MBTD1: variants seen among roughly 807,000 people sequenced by gnomAD.
MBTD1 encodes mbt domain containing 1, also known as MBT domain-containing protein 1.
MBTD1 carries 24 observed loss-of-function variants against 87.8 expected under a neutral mutation model. That is an observed-to-expected ratio of 0.27 (90% confidence interval 0.20 to 0.38). The LOEUF is 0.38. Ranked by LOEUF, MBTD1 falls within the 10% of genes least tolerant of loss-of-function variation. The probability of loss-of-function intolerance (pLI) is 1.00; values close to 1 mark genes in which losing one functional copy is unlikely to be tolerated. For synonymous variants in MBTD1, 237 were observed against 248.6 expected, an observed-to-expected ratio of 0.95 and a Z score of 0.44; for missense variants, 436 against 760.2, an observed-to-expected ratio of 0.57 and a Z score of 5.02.
At chr17:51,215,733 TC>T (rs1169005037) in intron 6 of MBTD1, among the ~76,000 whole-genome samples, 1 of 152,128 alleles carries the variant, frequency 6.6e-6, no homozygotes, top group Admixed American at 6.6e-5. Context: ...GAAATAAGAT[TC>T]CATTTAAGGC....
At chr17:51,233,409 C>A (rs562038227) in intron 2 of MBTD1, among the ~76,000 whole-genome samples, 2 of 152,186 alleles carry the variant, frequency 1.3e-5, no homozygotes, top group East Asian at 3.9e-4. Flanking sequence ...ATTACGAATT[C>A]TTCAGAGATG....
chr17:51,239,468 A>G (rs1568225814), intron 2 of MBTD1, among the ~76,000 whole-genome samples: 1 of 152,126 alleles, frequency 6.6e-6, no homozygotes, highest in Non-Finnish European at 1.5e-5. Context: ...AATGATTAAC[A>G]TTTTCTCCCA....
At chr17:51,205,704 C>T (rs1485697126) in intron 7 of MBTD1, among the ~76,000 whole-genome samples, 1 of 152,158 alleles carries the variant, frequency 6.6e-6, no homozygotes, top group Non-Finnish European at 1.5e-5. Flanking sequence ...AACTACAATA[C>T]ATCTGGCATG....
Position 51,201,720 on chromosome 17 carries a change from T to C in MBTD1, c.1120-24A>G, listed in dbSNP as rs1218875960. ...ACCTAAAGAATTATATGAAAGCACA[T>C]CTACTGTTACAAATGTTGTTATTTT... is the stretch of plus-strand genomic sequence containing the variant. On this transcript the variant is annotated intron_variant, in intron 11 of 16. Coordinates refer to ENST00000586178, the MANE Select transcript of MBTD1 (RefSeq NM_017643.3). The C allele has an allele frequency of 6.6e-6, 9 of 1,367,612 alleles. No individual in the cohort carries two copies. The Admixed American group carries it at 1.3e-4, about 19-fold the overall frequency. The allele number at this position is 1,367,612 out of a possible 1,614,324, so 84.7% of individuals were successfully genotyped here. A position where few individuals can be genotyped will look rare whatever the true frequency, so the allele number is the denominator to read the frequency against.
intron 16 of MBTD1, among the ~76,000 whole-genome samples, chr17:51,190,750 A>AAAAAAAATATAT (rs1555677185): frequency 5.0e-5 from 2 of 39,716 alleles, no homozygotes; most frequent in African/African-American, 3.0e-4. Context: ...AAAAAAAAAA[A>AAAAAAAATATAT]ATATATATAT....
chr17:51,236,212 C>T (rs963194255), intron 2 of MBTD1, among the ~76,000 whole-genome samples: 2 of 152,032 alleles, frequency 1.3e-5, no homozygotes, highest in Non-Finnish European at 2.9e-5. Flanking sequence ...GTTTTGTTCA[C>T]ACTGCTTTGT....
At chr17:51,260,824 G>T (rs1331649529), upstream of MBTD1, 1 of 1,595,738 alleles carries the variant, frequency 6.3e-7, no homozygotes, top group South Asian at 1.1e-5. Flanking sequence ...GCCTGAGGCT[G>T]GAGGAGGACA....
intron 2 of MBTD1, among the ~76,000 whole-genome samples, chr17:51,249,285 G>A (rs1598434274): frequency 6.6e-6 from 1 of 151,876 alleles, no homozygotes; most frequent in Non-Finnish European, 1.5e-5. Context: ...GATTATTAGG[G>A]ATATACTTGA....
intron 13 of MBTD1, among the ~76,000 whole-genome samples, chr17:51,194,324 T>C (rs938115082): frequency 3.3e-5 from 5 of 152,024 alleles, no homozygotes; most frequent in Admixed American, 6.6e-5. Flanking sequence ...AATCCCAGCA[T>C]GCTGGGAGGC....
intron 11 of MBTD1, 117 bp downstream of exon 11, chr17:51,201,905 G>T: frequency 1.3e-6 from 1 of 748,994 alleles, no homozygotes; most frequent in East Asian, 2.6e-5. Flanking sequence ...GAATTTACAA[G>T]GTCTTAATTC....
At chr17:51,201,805 A>G (rs1328471356) in intron 11 of MBTD1, 109 bp from the exon 12 acceptor site, 12 of 796,348 alleles carry the variant, frequency 1.5e-5, no homozygotes, top group East Asian at 2.5e-5. Flanking sequence ...TACCTACCTA[A>G]TATTATAACT....
intron 4 of MBTD1, 77 bp downstream of exon 4, chr17:51,220,253 A>T: frequency 7.3e-7 from 1 of 1,377,124 alleles, no homozygotes; most frequent in Non-Finnish European, 9.8e-7. Flanking sequence ...AGTACAGTGA[A>T]TCACAGTCAA....
rs1433234489 is a variant in MBTD1 at position 51,179,766 on chromosome 17, G to GT, written c.*809dup. On this transcript the variant is annotated 3_prime_UTR_variant, in exon 17 of 17. Transcript: ENST00000586178. ...AACTGATCAGAATCCCTTTCGTGGG[G>GT]TATTTTTTTTAGAAAGGAAAATAAA... 1 of 151,422 alleles carries GT rather than the reference G, an allele frequency of 6.6e-6. No individual in the cohort carries two copies. Among genetic ancestry groups the GT allele is most frequent in the East Asian group, 1.9e-4 (1 of 5,158 alleles). 9.4% of individuals were successfully genotyped at this position (151,422 alleles called of 1,614,324 possible). A position where few individuals can be genotyped will look rare whatever the true frequency, so the allele number is the denominator to read the frequency against.
At chr17:51,233,365 G>A (rs1255242324) in intron 2 of MBTD1, among the ~76,000 whole-genome samples, 1 of 151,878 alleles carries the variant, frequency 6.6e-6, no homozygotes, top group Admixed American at 6.6e-5. Flanking sequence ...GGAAACAGAA[G>A]AAAAGCAAAC....
rs1196410385 is a variant in MBTD1 at position 51,178,392 on chromosome 17, G to C, written c.*2184C>G. On this transcript the variant is annotated 3_prime_UTR_variant, in exon 17 of 17. Coordinates refer to ENST00000586178, the MANE Select transcript of MBTD1 (RefSeq NM_017643.3). ...TCTAAAACACTCAGAGCCTGGGTTT[G>C]CTATAGAATTGGAAGCTTATGAAAC... 6.6e-6 allele frequency: 1 copy of C among 152,188 alleles called. No homozygotes were observed. Among genetic ancestry groups the C allele is most frequent in the Non-Finnish European group, 1.5e-5 (1 of 68,052 alleles). The allele number at this position is 152,188 out of a possible 1,614,324, so 9.4% of individuals were successfully genotyped here. A position where few individuals can be genotyped will look rare whatever the true frequency, so the allele number is the denominator to read the frequency against.
At chr17:51,243,247 A>G (rs1312850844) in intron 2 of MBTD1, among the ~76,000 whole-genome samples, 1 of 152,034 alleles carries the variant, frequency 6.6e-6, no homozygotes, top group Admixed American at 6.6e-5. Flanking sequence ...ATTTTTCCCA[A>G]AATGATGGAT....
chr17:51,217,382 G>A lies in MBTD1; in HGVS notation c.438C>T (p.Tyr146=). ...VSMEGFSWGN[Y]INSNSFIAAP... ...CTGCTATAAAGCTATTGCTATTGAT[G>A]TAGTTACCCCAGCTGAAACCTTCCA... Residue 146 remains tyrosine, a synonymous_variant, in exon 6 of 17, where the codon TAC becomes TAT. Coordinates refer to ENST00000586178, the MANE Select transcript of MBTD1 (RefSeq NM_017643.3). 1 of 1,539,040 alleles carries A rather than the reference G, an allele frequency of 6.5e-7. No homozygotes were observed. Among genetic ancestry groups the A allele is most frequent in the Non-Finnish European group, 8.8e-7 (1 of 1,141,420 alleles).
At chr17:51,214,035 ATATGTGTGTGTG>A (rs1238697236) in intron 6 of MBTD1, among the ~76,000 whole-genome samples, 1 of 152,200 alleles carries the variant, frequency 6.6e-6, no homozygotes, top group Admixed American at 6.5e-5. Flanking sequence ...TTAGTAGTAT[ATATGTGTGTGTG>A]TATGTGTGTA....
At chr17:51,260,677 C>T (rs1239567709), upstream of MBTD1, 2 of 1,610,818 alleles carry the variant, frequency 1.2e-6, no homozygotes. Context: ...ACTGGAAAGC[C>T]GGAGCGGGGC....
Sources: allele counts gnomAD v4.1 joint callset (sites outside exome capture counted in the v4.1 genomes callset), GRCh38; gene constraint gnomAD v4.1.1; transcripts MANE v1.5; gene names NCBI Gene and HGNC (gene_info 2026-07-23, HGNC 2026-07-21).